Variants in ZSCAN1 observed in about 807,000 individuals in gnomAD.
ZSCAN1 encodes the protein zinc finger and SCAN domain containing 1.
A neutral mutation model predicts 23.8 loss-of-function variants in ZSCAN1; 23 were observed. The observed-to-expected ratio is 0.97, with a 90% CI of 0.70 to 1.37. The LOEUF (loss-of-function observed/expected upper bound fraction) is 1.37, where lower values mean the gene tolerates loss of function less well. Among genes scored for constraint, ZSCAN1 ranks in the 40% most tolerant of loss-of-function variants. The pLI, the probability that ZSCAN1 is intolerant of heterozygous loss-of-function variation, is 0.00. For missense variants in ZSCAN1, 575 were observed against 554.0 expected (o/e 1.04, Z -0.38); for synonymous variants, 236 against 232.3 (o/e 1.02, Z -0.15).
At chr19:58,034,259 C>G (rs2123412937) in intron 1 of ZSCAN1, 98 bp downstream of exon 1, 1 of 151,234 alleles carries the variant, frequency 6.6e-6, no homozygotes, top group East Asian at 2.0e-4. Flanking sequence ...GGGAGCTGGC[C>G]CGGGATCGCG....
At chr19:58,034,863 C>G (rs2123414115) in intron 1 of ZSCAN1, among the ~76,000 whole-genome samples, 1 of 151,312 alleles carries the variant, frequency 6.6e-6, no homozygotes, top group South Asian at 2.1e-4. Context: ...GGAACTCCTC[C>G]GTGTGGCATC....
chr19:58,053,881 C>CGGAGCAAGG lies in ZSCAN1; in HGVS notation c.1059_1067dup (p.Ser354_Gly356dup), dbSNP rs760120453. The stretch of plus-strand genomic sequence containing the variant: ...GGAGCCACCGAGGAAGAAAGCCCCC[C>CGGAGCAAGG]GGAGCAAGGGCCCCCGGGAGTCCGT... On this transcript the variant is annotated inframe_insertion, in exon 6 of 6. Transcript: ENST00000282326. This position sits in a 1 kb window ranked among gnomAD's most constrained non-coding sequence, Gnocchi z 5.8. 5 of 1,613,708 alleles carry CGGAGCAAGG rather than the reference C, an allele frequency of 3.1e-6. No homozygotes were observed. The highest frequency in any genetic ancestry group is 4.2e-6 in the Non-Finnish European group (5 of 1,179,674).
chr19:58,045,800 C>A lies in ZSCAN1; in HGVS notation c.465+5256C>A. ...CTGCACCTGCATCAGGAGATCCCCA[C>A]ATCGCTGCTCATCCTGTCCCGGACC... is the stretch of plus-strand genomic sequence containing the variant. On this transcript the variant is annotated intron_variant, in intron 4 of 5. Coordinates refer to ENST00000282326, the MANE Select transcript of ZSCAN1 (RefSeq NM_182572.4). This position sits in a 1 kb window ranked among gnomAD's most constrained non-coding sequence, Gnocchi z 4.3. The A allele has an allele frequency of 6.4e-7, 1 of 1,551,630 alleles. No individual in the cohort carries two copies. Among genetic ancestry groups the A allele is most frequent in the Non-Finnish European group, 8.9e-7 (1 of 1,124,028 alleles).
In ZSCAN1 at chr19:58,044,385, T is replaced by C. The variant is rs1592996; in HGVS notation, c.465+3841T>C. On this transcript the variant is annotated intron_variant, in intron 4 of 5. Transcript: ENST00000282326. ...GGCAGCAGAAATAAAAGCTTTGTTTTAAAGAAGCGGAAGAAGGATTAAACC... is the reference window on the plus strand; with the variant it reads ...GGCAGCAGAAATAAAAGCTTTGTTTCAAAGAAGCGGAAGAAGGATTAAACC... 3.2e-4 allele frequency among the ~76,000 whole-genome samples: 48 copies of C among 151,976 alleles called. 1 individual carries two copies. The South Asian group carries it at 8.7e-3, about 28-fold the overall frequency.
rs1373843832 is a variant in ZSCAN1 at position 58,053,127 on chromosome 19, T to G, written c.605-302T>G. Reference sequence around the variant, plus strand: ...GGCGCACACCACCACGCCCAGCTAATTTTTGTATTTTAGTAGAGACGGGGT... The same window carrying G: ...GGCGCACACCACCACGCCCAGCTAAGTTTTGTATTTTAGTAGAGACGGGGT... On this transcript the variant is annotated intron_variant, in intron 5 of 5. Coordinates refer to ENST00000282326, the MANE Select transcript of ZSCAN1 (RefSeq NM_182572.4). The surrounding 1 kb of genome is among the most constrained non-coding windows in gnomAD (Gnocchi z 5.8). Among the ~76,000 whole-genome samples, 1 of 152,044 alleles carries G rather than the reference T, an allele frequency of 6.6e-6. No individual in the cohort carries two copies. The highest frequency in any genetic ancestry group is 1.9e-4 in the East Asian group (1 of 5,182).
At chr19:58,044,553 C>G (rs913806325) in intron 4 of ZSCAN1, 2 of 576,560 alleles carry the variant, frequency 3.5e-6, no homozygotes. Context: ...GAGGAGCCAG[C>G]GCAGGAGGCC....
rs758139101 is a variant in ZSCAN1 at position 58,053,822 on chromosome 19, C to T, written c.998C>T (p.Ser333Phe). 54 of 1,614,042 alleles carry T rather than the reference C, an allele frequency of 3.3e-5. No homozygotes were observed. Among genetic ancestry groups the T allele is most frequent in the Non-Finnish European group, 4.1e-5 (48 of 1,180,044 alleles). ...TGTGGCAAGGTCTTCCTGCACAACTCCGTCCTCACTGAGCATGGCAAGATC... is the reference window on the plus strand; with the variant it reads ...TGTGGCAAGGTCTTCCTGCACAACTTCGTCCTCACTGAGCATGGCAAGATC... Reference protein sequence around the residue: ...PECGKVFLHNSVLTEHGKIHL... With the variant: ...PECGKVFLHNFVLTEHGKIHL... The change falls in exon 6 of 6, where the codon TCC becomes TTC. Residue 333 changes from serine (S) to phenylalanine (F), a missense_variant. Ser to Phe is a radical substitution (Grantham distance 155). Coordinates refer to ENST00000282326, the MANE Select transcript of ZSCAN1 (RefSeq NM_182572.4). This position sits in a 1 kb window ranked among gnomAD's most constrained non-coding sequence, Gnocchi z 5.8.
chr19:58,040,168 T>C lies in ZSCAN1; in HGVS notation c.371-282T>C, dbSNP rs760283656. Among the ~76,000 whole-genome samples the C allele has an allele frequency of 6.6e-6, 1 of 152,144 alleles. No homozygotes were observed. The highest frequency in any genetic ancestry group is 1.5e-5 in the Non-Finnish European group (1 of 68,006). The stretch of plus-strand genomic sequence containing the variant: ...CTCACAGTGCTCGGGCCTCCCTAGT[T>C]AGTCAGTGCTGCAGTGTGTGTCCTC... On this transcript the variant is annotated intron_variant, in intron 3 of 5. Coordinates refer to ENST00000282326, the MANE Select transcript of ZSCAN1 (RefSeq NM_182572.4). The surrounding 1 kb of genome is among the most constrained non-coding windows in gnomAD (Gnocchi z 5.8).
At position 58,054,024 on chromosome 19, in the gene ZSCAN1, G is replaced by A. The variant is rs371757697; in HGVS notation, c.1200G>A (p.Lys400=). ...TGGTCCACCTCATTGACCACCAGAA[G>A]CTCCACACGGCCCACGGCCACATGT... The part of the protein sequence containing the change: ...PWMVHLIDHQ[K]LHTAHGHM The change falls in exon 6 of 6, where the codon AAG becomes AAA. Residue 400 remains lysine (K), a synonymous_variant. Coordinates refer to ENST00000282326, the MANE Select transcript of ZSCAN1 (RefSeq NM_182572.4). This position sits in a 1 kb window ranked among gnomAD's most constrained non-coding sequence, Gnocchi z 4.2. 4.7e-5 allele frequency: 72 copies of A among 1,540,030 alleles called. No homozygotes were observed. In the African/African-American group the frequency reaches 6.3e-4, roughly 14 times the overall value.
chr19:58,053,414 C>T lies in ZSCAN1; in HGVS notation c.605-15C>T. 6.3e-7 allele frequency: 1 copy of T among 1,598,294 alleles called. No homozygotes were observed. On this transcript the variant is annotated splice_polypyrimidine_tract_variant and intron_variant, in intron 5 of 5. Transcript: ENST00000282326. This position sits in a 1 kb window ranked among gnomAD's most constrained non-coding sequence, Gnocchi z 5.8. ...CCACTCACTACAGGTGACCCATCTC[C>T]CTCGCCCTCCACAGGGTCCCGGGCC...
intron 4 of ZSCAN1, chr19:58,046,472 C>G (rs189741780): frequency 1.2e-5 from 10 of 848,368 alleles, no homozygotes; most frequent in Non-Finnish European, 1.9e-5. Flanking sequence ...AAGCTGGCCC[C>G]GGCCAAGGGC....
chr19:58,046,604 G>A, intron 4 of ZSCAN1: 2 of 841,018 alleles, frequency 2.4e-6, no homozygotes, highest in South Asian at 2.6e-5. Context: ...AATAAGGATG[G>A]CAAGGTCAAC....
At chr19:58,044,863 G>C (rs951842559) in intron 4 of ZSCAN1, 5 of 771,734 alleles carry the variant, frequency 6.5e-6, no homozygotes, top group Non-Finnish European at 9.3e-6. Context: ...CTCCACCTCT[G>C]TGGGTTTTGT....
chr19:58,034,303 G>C (rs2073716413), intron 1 of ZSCAN1, 142 bp downstream of exon 1: 1 of 149,940 alleles, frequency 6.7e-6, no homozygotes, highest in Non-Finnish European at 1.5e-5. Context: ...GGCGGGCCCG[G>C]GCCCGGGAGG....
chr19:58,039,833 C>T (rs1356180418), intron 3 of ZSCAN1, among the ~76,000 whole-genome samples: 2 of 151,624 alleles, frequency 1.3e-5, no homozygotes, highest in African/African-American at 2.4e-5. Flanking sequence ...ATGCACGTCT[C>T]CTAGTCCTGT....
Position 58,040,009 on chromosome 19 carries a change from C to G in ZSCAN1, c.371-441C>G, listed in dbSNP as rs907581293. Among the ~76,000 whole-genome samples, 2 of 152,164 alleles carry G rather than the reference C, an allele frequency of 1.3e-5. No individual in the cohort carries two copies. The highest frequency in any genetic ancestry group is 2.9e-5 in the Non-Finnish European group (2 of 68,026). Reference sequence around the variant, plus strand: ...TCAGCCTCCCAAAGTGCTGGGATTACTGGTGTGAGCCACCACGCCTGGCCT... The same window carrying G: ...TCAGCCTCCCAAAGTGCTGGGATTAGTGGTGTGAGCCACCACGCCTGGCCT... On this transcript the variant is annotated intron_variant, in intron 3 of 5. Transcript: ENST00000282326. The surrounding 1 kb of genome is among the most constrained non-coding windows in gnomAD (Gnocchi z 5.8).
Position 58,053,980 on chromosome 19 carries a change from G to A in ZSCAN1, c.1156G>A (p.Gly386Arg), listed in dbSNP as rs750088775. The change falls in exon 6 of 6, where the codon GGG becomes AGG. Residue 386 changes from glycine to arginine, a missense_variant. Physicochemically the swap from Gly to Arg is moderately radical, Grantham distance 125 (BLOSUM62 -2). Transcript: ENST00000282326. The surrounding 1 kb of genome is among the most constrained non-coding windows in gnomAD (Gnocchi z 5.8). ...AAGACCCTTCCAGTGTAGCGTCTGCGGGAAGGCCTTCCCCTGGATGGTCCA... is the reference window on the plus strand; with the variant it reads ...AAGACCCTTCCAGTGTAGCGTCTGCAGGAAGGCCTTCCCCTGGATGGTCCA... ...PKRPFQCSVC[G>R]KAFPWMVHLI... The A allele has an allele frequency of 4.4e-6, 7 of 1,595,354 alleles. No homozygotes were observed. The highest frequency in any genetic ancestry group is 1.1e-5 in the South Asian group (1 of 88,998).
chr19:58,044,683 T>C, intron 4 of ZSCAN1: 1 of 787,932 alleles, frequency 1.3e-6, no homozygotes, highest in Non-Finnish European at 2.2e-6. Flanking sequence ...GTCCGGGGGA[T>C]CCTGCTCATC....
At chr19:58,046,053 C>G in intron 4 of ZSCAN1, 1 of 686,846 alleles carries the variant, frequency 1.5e-6, no homozygotes, top group South Asian at 1.7e-5. Flanking sequence ...ATGTTGAACC[C>G]GAATGTGTGG....
Sources: gnomAD v4.1 joint callset for allele counts (sites outside exome capture counted in the v4.1 genomes callset) on GRCh38, gnomAD v4.1.1 for gene constraint, Gnocchi (gnomAD v3.1) non-coding constraint, MANE v1.5 for transcripts, NCBI Gene and HGNC (gene_info 2026-07-23, HGNC 2026-07-21) for gene names.